The following FAM241A variants were observed in gnomAD, a reference collection of about 807,000 sequenced individuals.
FAM241A encodes the protein family with sequence similarity 241 member A, also known as uncharacterized protein FAM241A.
Under a neutral mutation model 12.2 loss-of-function variants are expected in FAM241A, and 7 were observed. That is an observed-to-expected ratio of 0.58 (90% CI 0.33 to 1.08). The LOEUF is 1.08. Among genes scored for constraint, FAM241A ranks in the 50% least tolerant of loss-of-function variants. The pLI is 0.04. For synonymous variants in FAM241A, 74 were observed against 68.2 expected (o/e 1.08, Z -0.42); for missense variants, 161 against 169.7 (o/e 0.95, Z 0.29).
chr4:112,174,772 C>T (rs1723786696), intron 1 of FAM241A, among the ~76,000 whole-genome samples: 2 of 152,188 alleles, frequency 1.3e-5, no homozygotes, highest in African/African-American at 4.8e-5. Flanking sequence ...TGAAAGCATT[C>T]TCCATGCTGT....
chr4:112,145,783 G>T, intron 1 of FAM241A, 50 bp downstream of exon 1: 1 of 1,031,966 alleles, frequency 9.7e-7, no homozygotes, highest in African/African-American at 1.7e-5. Context: ...GGGGCCGCGA[G>T]CCCCGCCCGG....
chr4:112,145,813 G>A (rs1723124489), intron 1 of FAM241A, 80 bp downstream of exon 1: 3 of 891,192 alleles, frequency 3.4e-6, no homozygotes, highest in Non-Finnish European at 4.2e-6. Flanking sequence ...GAAGGGGCCC[G>A]GCCCGCGGGC....
At chr4:112,163,004 A>G (rs1054937901) in intron 1 of FAM241A, among the ~76,000 whole-genome samples, 3 of 152,164 alleles carry the variant, frequency 2.0e-5, no homozygotes, top group African/African-American at 7.2e-5. Flanking sequence ...AAATAATACC[A>G]CACATCTACA....
At chr4:112,162,521 CAAACAGAG>C (rs1723497340) in intron 1 of FAM241A, among the ~76,000 whole-genome samples, 2 of 152,130 alleles carry the variant, frequency 1.3e-5, no homozygotes, top group Admixed American at 6.5e-5. Context: ...CAATAACAGA[CAAACAGAG>C]AGCCAAATCG....
At position 112,150,126 on chromosome 4, in the gene FAM241A, CTT is replaced by C. The variant is rs376837907; in HGVS notation, c.153+4395_153+4396del. Among the ~76,000 whole-genome samples the C allele has an allele frequency of 6.3e-4, 95 of 151,990 alleles. 1 individual carries two copies. The South Asian group carries it at 0.018, about 30-fold the overall frequency. On this transcript the variant is annotated intron_variant, in intron 1 of 1. Transcript: ENST00000309733. ...ATTTTTTACTCTATATATTTAATCT[CTT>C]TAGAATGATTTTCTATATTGTATGA...
At position 112,189,370 on chromosome 4, in the gene FAM241A, C is replaced by CAAAAAAAAA. The variant is rs542269288; in HGVS notation, c.*2449_*2457dup. ...TGGGTAACAGAGTGAGACCCCATCT[C>CAAAAAAAAA]AAAAAAAAAAAAAAAAAAAAAAAAA... On this transcript the variant is annotated 3_prime_UTR_variant, in exon 2 of 2. Transcript: ENST00000309733. 2 of 78,446 alleles carry CAAAAAAAAA rather than the reference C, an allele frequency of 2.5e-5. No individual in the cohort carries two copies. The highest frequency in any genetic ancestry group is 1.0e-4 in the African/African-American group (2 of 19,684). The allele number at this position is 78,446 out of a possible 1,614,324, so 4.9% of individuals were successfully genotyped here. A position where few individuals can be genotyped will look rare whatever the true frequency, so the allele number is the denominator to read the frequency against.
intron 1 of FAM241A, among the ~76,000 whole-genome samples, chr4:112,177,236 G>GA (rs1723841011): frequency 2.6e-5 from 4 of 151,852 alleles, no homozygotes; most frequent in Admixed American, 6.6e-5. Flanking sequence ...AGATGTAAAG[G>GA]AAAAAAGATA....
At position 112,145,595 on chromosome 4, in the gene FAM241A, G is replaced by T; in HGVS notation, c.15G>T (p.Gly5=). The T allele has an allele frequency of 8.0e-7, 1 of 1,246,638 alleles. No individual in the cohort carries two copies. 77.2% of individuals were successfully genotyped at this position (1,246,638 alleles called of 1,614,324 possible). MCSA[G]ELLRGGDGGE... ...TTGGCTGCGGGATGTGCTCAGCCGG[G>T]GAGCTGCTGCGGGGCGGCGACGGCG... The change falls in exon 1 of 2, where the codon GGG becomes GGT. Residue 5 remains glycine, a synonymous_variant. Coordinates refer to ENST00000309733, the MANE Select transcript of FAM241A (RefSeq NM_152400.3).
At chr4:112,161,163 T>A (rs1372054261) in intron 1 of FAM241A, among the ~76,000 whole-genome samples, 1 of 152,136 alleles carries the variant, frequency 6.6e-6, no homozygotes, top group Non-Finnish European at 1.5e-5. Flanking sequence ...GTTAAAGCAG[T>A]GTGTAGAGGG....
chr4:112,189,945 A>T lies in FAM241A; in HGVS notation c.*3007A>T, dbSNP rs1289003995. On this transcript the variant is annotated 3_prime_UTR_variant, in exon 2 of 2. Coordinates refer to ENST00000309733, the MANE Select transcript of FAM241A (RefSeq NM_152400.3). ...TTCTATTCCTACAGATACGAAAGTAAAGAACAGAACACATTTTGTGAAATA... is the reference window on the plus strand; with the variant it reads ...TTCTATTCCTACAGATACGAAAGTATAGAACAGAACACATTTTGTGAAATA... 1 of 152,186 alleles carries T rather than the reference A, an allele frequency of 6.6e-6. No homozygotes were observed. Among genetic ancestry groups the T allele is most frequent in the Non-Finnish European group, 1.5e-5 (1 of 68,028 alleles). 9.4% of individuals were successfully genotyped at this position (152,186 alleles called of 1,614,324 possible).
chr4:112,171,193 G>C (rs1723711264), intron 1 of FAM241A: 3 of 636,992 alleles, frequency 4.7e-6, no homozygotes. Context: ...CTTTCTTTCT[G>C]TGCCGATAGC....
chr4:112,158,925 A>G (rs1723407048), intron 1 of FAM241A, among the ~76,000 whole-genome samples: 1 of 152,152 alleles, frequency 6.6e-6, no homozygotes. Context: ...ATTGAACACT[A>G]GATTTTTTCT....
At chr4:112,162,350 G>C (rs1723493350) in intron 1 of FAM241A, among the ~76,000 whole-genome samples, 1 of 152,134 alleles carries the variant, frequency 6.6e-6, no homozygotes, top group Non-Finnish European at 1.5e-5. Flanking sequence ...TATTCAATTA[G>C]GAAAAGAGGA....
chr4:112,193,429 A>G lies in FAM241A; in HGVS notation c.*6491A>G, dbSNP rs950494422. ...AGACATGAAGTCCTTGCCCATGCCTATGTCCTGAATGGTAATGCCTAGGTT... is the reference window on the plus strand; with the variant it reads ...AGACATGAAGTCCTTGCCCATGCCTGTGTCCTGAATGGTAATGCCTAGGTT... On this transcript the variant is annotated 3_prime_UTR_variant, in exon 2 of 2. Transcript: ENST00000309733. The G allele has an allele frequency of 3.9e-5, 6 of 152,124 alleles. No homozygotes were observed. Among genetic ancestry groups the G allele is most frequent in the African/African-American group, 1.2e-4 (5 of 41,410 alleles). 9.4% of individuals were successfully genotyped at this position (152,124 alleles called of 1,614,324 possible).
chr4:112,178,216 G>C (rs1196535741), intron 1 of FAM241A, among the ~76,000 whole-genome samples: 1 of 152,152 alleles, frequency 6.6e-6, no homozygotes, highest in African/African-American at 2.4e-5. Flanking sequence ...CAGAACCAGA[G>C]AATATGATAT....
rs567113160 is a variant in FAM241A, at chr4:112,194,278, A to G, written c.*7340A>G. 2.0e-5 allele frequency: 3 copies of G among 151,806 alleles called. No homozygotes were observed. In the East Asian group the frequency reaches 5.8e-4, roughly 29 times the overall value. 9.4% of individuals were successfully genotyped at this position (151,806 alleles called of 1,614,324 possible). A position where few individuals can be genotyped will look rare whatever the true frequency, so the allele number is the denominator to read the frequency against. On this transcript the variant is annotated 3_prime_UTR_variant, in exon 2 of 2. Transcript: ENST00000309733. ...GACAATGGGGTTTTCTAGATATACAATCATGTCATCTGCAAACAGGGACAA... is the reference window on the plus strand; with the variant it reads ...GACAATGGGGTTTTCTAGATATACAGTCATGTCATCTGCAAACAGGGACAA...
At chr4:112,174,014 A>G (rs1476566967) in intron 1 of FAM241A, among the ~76,000 whole-genome samples, 1 of 152,232 alleles carries the variant, frequency 6.6e-6, no homozygotes, top group Non-Finnish European at 1.5e-5. Context: ...AAGAAAATAT[A>G]CTAAATCTCA....
intron 1 of FAM241A, among the ~76,000 whole-genome samples, chr4:112,151,056 T>C (rs1214905127): frequency 2.0e-5 from 3 of 152,198 alleles, no homozygotes; most frequent in Admixed American, 6.5e-5. Flanking sequence ...TGGGCGTTTG[T>C]TGCCTCCAAA....
intron 1 of FAM241A, among the ~76,000 whole-genome samples, chr4:112,179,937 A>ATATATATATATATATATG (rs1491365952): frequency 8.3e-6 from 1 of 120,360 alleles, no homozygotes; most frequent in African/African-American, 3.0e-5. Flanking sequence ...ATATATATAT[A>ATATATATATATATATATG]TGTATATGTG....
Sources: allele counts gnomAD v4.1 joint callset (sites outside exome capture counted in the v4.1 genomes callset), GRCh38; gene constraint gnomAD v4.1.1; transcripts MANE v1.5; gene names NCBI Gene and HGNC (gene_info 2026-07-23, HGNC 2026-07-21).